The following EML1 variants were observed in gnomAD, a reference collection of about 807,000 sequenced individuals.
EML1 encodes the protein EMAP like 1.
In EML1, 27 loss-of-function variants were observed where a neutral mutation model predicts 110.4. The observed-to-expected ratio is 0.24, with a 90% confidence interval of 0.18 to 0.34. The LOEUF is 0.34. Among genes scored for constraint, EML1 ranks in the 10% least tolerant of loss-of-function variants. The pLI, the probability that EML1 is intolerant of heterozygous loss-of-function variation, is 1.00. For synonymous variants in EML1, 344 were observed against 385.8 expected, an observed-to-expected ratio of 0.89 and a Z score of 1.27; for missense variants, 741 against 1,030.9, an observed-to-expected ratio of 0.72 and a Z score of 3.85.
intron 17 of EML1, among the ~76,000 whole-genome samples, chr14:99,926,188 A>G (rs1291439551): frequency 1.3e-5 from 2 of 152,190 alleles, no homozygotes; most frequent in Non-Finnish European, 2.9e-5. Flanking sequence ...TCAGTTTTAT[A>G]GAATTTCATA....
chr14:99,891,008 A>G (rs536204684), intron 4 of EML1, among the ~76,000 whole-genome samples, 191 bp from the exon 5 acceptor site: 19 of 152,276 alleles, frequency 1.2e-4, no homozygotes, highest in African/African-American at 3.1e-4. Flanking sequence ...TCTTGCACCT[A>G]TGAGATTGTT....
At chr14:99,916,902 C>A (rs185435769) in intron 15 of EML1, among the ~76,000 whole-genome samples, 13 of 152,348 alleles carry the variant, frequency 8.5e-5, no homozygotes, top group Admixed American at 8.5e-4. Context: ...CCCTCCCTCC[C>A]CTGTGTATCT....
At chr14:99,917,975 C>A in intron 16 of EML1, 126 bp downstream of exon 16, 1 of 915,284 alleles carries the variant, frequency 1.1e-6, no homozygotes, top group Non-Finnish European at 1.7e-6. Context: ...TAATGACTTA[C>A]CAAGAATTAA....
chr14:99,938,758 A>G (rs1054600527), intron 20 of EML1, among the ~76,000 whole-genome samples: 8 of 152,252 alleles, frequency 5.3e-5, no homozygotes, highest in Non-Finnish European at 7.3e-5. Flanking sequence ...GCGCACACCC[A>G]GGGTTAAAAG....
intron 17 of EML1, among the ~76,000 whole-genome samples, chr14:99,929,819 A>G (rs2060333983): frequency 6.6e-6 from 1 of 152,230 alleles, no homozygotes; most frequent in Non-Finnish European, 1.5e-5. Flanking sequence ...TCTCCAAGGT[A>G]GCAGCACCCT....
chr14:99,854,501 C>T, intron 2 of EML1, among the ~76,000 whole-genome samples: 1 of 152,206 alleles, frequency 6.6e-6, no homozygotes, highest in East Asian at 1.9e-4. Context: ...ACTTGTTCCC[C>T]TGTCCCTGCG....
chr14:99,828,172 G>A (rs2058391983), intron 1 of EML1, among the ~76,000 whole-genome samples: 1 of 152,156 alleles, frequency 6.6e-6, no homozygotes. Context: ...TTCTTATACA[G>A]CAGTCTTCCG....
At chr14:99,879,113 C>G (rs1412537229) in intron 4 of EML1, among the ~76,000 whole-genome samples, 1 of 152,078 alleles carries the variant, frequency 6.6e-6, no homozygotes, top group Non-Finnish European at 1.5e-5. Context: ...AACCATTTTT[C>G]TTTATGGTTT....
chr14:99,847,957 T>C (rs1184176303), intron 1 of EML1, among the ~76,000 whole-genome samples: 1 of 152,208 alleles, frequency 6.6e-6, no homozygotes, highest in African/African-American at 2.4e-5. Flanking sequence ...AAAAAATTAT[T>C]CTGCCATCCT....
rs573179760 is a variant in EML1, at chr14:99,850,442, A to T, written c.68-411A>T. On this transcript the variant is annotated intron_variant, in intron 1 of 21. Transcript: ENST00000262233. ...GGGTGGCCTTGTGATTGTATGACCT[A>T]CCTGTCAGTTAACATAATTGGAACA... is the stretch of plus-strand genomic sequence containing the variant. The T allele has an allele frequency of 8.0e-6, 7 of 875,038 alleles. No homozygotes were observed. In the South Asian group the frequency reaches 1.0e-4, roughly 13 times the overall value. The allele number at this position is 875,038 out of a possible 1,614,324, so 54.2% of individuals were successfully genotyped here.
chr14:99,765,180 A>G (rs575525038), intron 1 of EML1, among the ~76,000 whole-genome samples: 25 of 152,018 alleles, frequency 1.6e-4, no homozygotes, highest in African/African-American at 5.8e-4. Context: ...GGCTCAAGTA[A>G]TCCTCCAGTC....
chr14:99,796,332 T>C (rs192882302), intron 1 of EML1, among the ~76,000 whole-genome samples: 9 of 152,262 alleles, frequency 5.9e-5, no homozygotes, highest in Non-Finnish European at 7.4e-5. Context: ...CTCCTCATAA[T>C]TTGTAGTGGA....
chr14:99,868,497 C>G (rs1306722870), intron 3 of EML1, among the ~76,000 whole-genome samples: 1 of 152,140 alleles, frequency 6.6e-6, no homozygotes, highest in East Asian at 1.9e-4. Context: ...CTTACTAGTT[C>G]TAGGTCTGTT....
chr14:99,806,316 C>CTTTTTTTTTTTTTTTTTTTTTTT (rs1198890041), intron 1 of EML1, among the ~76,000 whole-genome samples: 1 of 87,754 alleles, frequency 1.1e-5, no homozygotes, highest in Non-Finnish European at 2.1e-5. Flanking sequence ...TCTCCAGAAT[C>CTTTTTTTTTTTTTTTTTTTTTTT]TTTTTTTTTT....
chr14:99,899,004 G>GTCGTGACT (rs1474700452), intron 8 of EML1, among the ~76,000 whole-genome samples: 1 of 152,138 alleles, frequency 6.6e-6, no homozygotes, highest in Non-Finnish European at 1.5e-5. Flanking sequence ...TCGTTTAACA[G>GTCGTGACT]TCGTGACTTT....
intron 3 of EML1, 27 bp from the exon 4 acceptor site, chr14:99,878,458 T>C: frequency 6.3e-7 from 1 of 1,593,942 alleles, no homozygotes; most frequent in Non-Finnish European, 8.5e-7. Context: ...ATTAAGGAGT[T>C]CACTGTCACT....
At chr14:99,909,813 C>A (rs892189242) in intron 11 of EML1, among the ~76,000 whole-genome samples, 1 of 152,118 alleles carries the variant, frequency 6.6e-6, no homozygotes, top group Non-Finnish European at 1.5e-5. Flanking sequence ...TTTGTCTGGA[C>A]GTTGTGGGGC....
In EML1 at chr14:99,917,839, C is replaced by T; in HGVS notation, c.1810C>T (p.Leu604Phe). Residue 604 changes from leucine (L) to phenylalanine (F), a missense_variant, in exon 16 of 22, where the codon CTC (leucine) becomes TTC (phenylalanine). This residue lies in a region of EML1 where 388 missense variants were observed against 605.6 expected (regional missense o/e 0.64). Transcript: ENST00000262233. ...PSGSVVAVGT[L>F]TGRWFVFDTE... is the part of the protein sequence containing the mutation. Reference sequence around the variant, plus strand: ...AGGGTCTGTGGTTGCAGTCGGAACACTCACTGGGAGGTAAGTCCATGCCAA... The same window carrying T: ...AGGGTCTGTGGTTGCAGTCGGAACATTCACTGGGAGGTAAGTCCATGCCAA... 6.2e-7 allele frequency: 1 copy of T among 1,614,200 alleles called. No individual in the cohort carries two copies. Among genetic ancestry groups the T allele is most frequent in the Non-Finnish European group, 8.5e-7 (1 of 1,180,036 alleles).
chr14:99,753,699 C>G (rs886835738), intron 1 of EML1, among the ~76,000 whole-genome samples: 1 of 152,304 alleles, frequency 6.6e-6, no homozygotes, highest in Admixed American at 6.5e-5. Flanking sequence ...CTACCCCAGC[C>G]CTGGCACATA....
Sources: allele counts gnomAD v4.1 joint callset (sites outside exome capture counted in the v4.1 genomes callset), GRCh38; gene constraint gnomAD v4.1.1; regional missense constraint gnomAD v4.1.1; transcripts MANE v1.5; gene names NCBI Gene and HGNC (gene_info 2026-07-23, HGNC 2026-07-21).